Variants in SORCS3 observed in about 807,000 individuals in gnomAD.
SORCS3 encodes the protein sortilin related VPS10 domain containing receptor 3.
In SORCS3, 57 loss-of-function variants were observed where a neutral mutation model predicts 146.3. The ratio of observed to expected loss-of-function variants is 0.39; its 90% CI spans 0.31 to 0.49. SORCS3 has a LOEUF of 0.49. Among genes scored for constraint, SORCS3 ranks in the 20% least tolerant of loss-of-function variants. SORCS3 has a pLI of 0.92. For synonymous variants in SORCS3, 653 were observed against 618.5 expected, an observed-to-expected ratio of 1.06 and a Z score of -0.83; for missense variants, 1,341 against 1,575.5, an observed-to-expected ratio of 0.85 and a Z score of 2.52.
Position 105,167,309 on chromosome 10 carries a change from G to C in SORCS3, c.1861G>C (p.Val621Leu). Residue 621 changes from valine (V) to leucine (L), a missense_variant, in exon 13 of 27, where the codon GTG (valine) becomes CTG (leucine). Coordinates refer to ENST00000369701, the MANE Select transcript of SORCS3 (RefSeq NM_014978.3). ...VWFLDWGGAL[V>L]AMKHTPLPVR... is the part of the protein sequence containing the mutation. Reference sequence around the variant, plus strand: ...GTTCCTAGACTGGGGTGGTGCCCTCGTGGCCATGAAACACACACCTCTGCC... The same window carrying C: ...GTTCCTAGACTGGGGTGGTGCCCTCCTGGCCATGAAACACACACCTCTGCC... 1 of 1,613,400 alleles carries C rather than the reference G, an allele frequency of 6.2e-7. No homozygotes were observed. Among genetic ancestry groups the C allele is most frequent in the Non-Finnish European group, 8.5e-7 (1 of 1,179,550 alleles).
chr10:105,232,561 T>C (rs1323579420), intron 20 of SORCS3, among the ~76,000 whole-genome samples: 1 of 151,896 alleles, frequency 6.6e-6, no homozygotes, highest in Non-Finnish European at 1.5e-5. Context: ...GTTTTTATTA[T>C]TTCTTTTTTT....
chr10:104,888,333 G>T (rs1042025181), intron 2 of SORCS3, among the ~76,000 whole-genome samples: 4 of 152,186 alleles, frequency 2.6e-5, no homozygotes, highest in Non-Finnish European at 5.9e-5. Flanking sequence ...TGGACCAGGA[G>T]ACTCAAATGC....
At chr10:104,868,853 C>G (rs1412641480) in intron 2 of SORCS3, among the ~76,000 whole-genome samples, 3 of 152,136 alleles carry the variant, frequency 2.0e-5, no homozygotes, top group Non-Finnish European at 4.4e-5. Flanking sequence ...ATCATATACC[C>G]AGTCAGACAT....
intron 1 of SORCS3, among the ~76,000 whole-genome samples, chr10:104,788,423 A>G (rs1212710540): frequency 1.3e-5 from 2 of 152,202 alleles, no homozygotes; most frequent in Non-Finnish European, 2.9e-5. Context: ...AGAAGGAAAA[A>G]AAATACGGTG....
chr10:104,872,005 C>A (rs1031039902), intron 2 of SORCS3, among the ~76,000 whole-genome samples: 10 of 152,164 alleles, frequency 6.6e-5, no homozygotes, highest in Non-Finnish European at 1.3e-4. Flanking sequence ...GACTACTCTG[C>A]TCACACTGAC....
intron 1 of SORCS3, among the ~76,000 whole-genome samples, chr10:104,799,628 G>A (rs2017600681): frequency 6.6e-6 from 1 of 152,110 alleles, no homozygotes; most frequent in East Asian, 1.9e-4. Context: ...AACCACCAGG[G>A]CACGTGTATA....
chr10:105,158,154 T>A (rs1413764584), intron 10 of SORCS3, among the ~76,000 whole-genome samples: 1 of 152,206 alleles, frequency 6.6e-6, no homozygotes, highest in African/African-American at 2.4e-5. Context: ...GGTCACAGCA[T>A]GCATTTTTTT....
At chr10:104,974,791 T>C (rs9664247) in intron 3 of SORCS3, among the ~76,000 whole-genome samples, 75,619 of 152,080 alleles carry the variant, frequency 0.5, 22,725 homozygotes, top group African/African-American at 0.86. Context: ...TTCCTAGCCT[T>C]GATGATCTTT....
chr10:104,775,936 C>G (rs934696911), intron 1 of SORCS3, among the ~76,000 whole-genome samples: 1 of 152,112 alleles, frequency 6.6e-6, no homozygotes, highest in Non-Finnish European at 1.5e-5. Flanking sequence ...TCCCTCCTGC[C>G]CATATTTCTT....
chr10:104,755,496 C>T (rs1228778007), intron 1 of SORCS3, among the ~76,000 whole-genome samples: 1 of 152,134 alleles, frequency 6.6e-6, no homozygotes, highest in Non-Finnish European at 1.5e-5. Context: ...CAGGAAATAT[C>T]ATAAGAGACA....
chr10:105,247,157 C>T, intron 21 of SORCS3, 62 bp from the exon 22 acceptor site: 2 of 858,684 alleles, frequency 2.3e-6, no homozygotes, highest in Non-Finnish European at 3.7e-6. Flanking sequence ...GAGCTCCACA[C>T]CTGTCACACC....
At chr10:104,671,825 AC>A (rs1329442695) in intron 1 of SORCS3, among the ~76,000 whole-genome samples, 2 of 152,064 alleles carry the variant, frequency 1.3e-5, no homozygotes, top group African/African-American at 4.8e-5. Flanking sequence ...AATAAATACC[AC>A]TTGTCATGGC....
chr10:104,804,338 A>C (rs907963429), intron 1 of SORCS3, among the ~76,000 whole-genome samples: 3 of 152,162 alleles, frequency 2.0e-5, no homozygotes, highest in Non-Finnish European at 2.9e-5. Context: ...GAAACTCTTG[A>C]CTATATGAAT....
Position 104,641,304 on chromosome 10 carries a change from C to A in SORCS3, c.-24C>A. 7.8e-7 allele frequency: 1 copy of A among 1,275,030 alleles called. No individual in the cohort carries two copies. The highest frequency in any genetic ancestry group is 9.9e-7 in the Non-Finnish European group (1 of 1,013,908). The allele number at this position is 1,275,030 out of a possible 1,614,324, so 79.0% of individuals were successfully genotyped here. On this transcript the variant is annotated 5_prime_UTR_variant, in exon 1 of 27. Transcript: ENST00000369701. This position sits in a 1 kb window ranked among gnomAD's most constrained non-coding sequence, Gnocchi z 6.4. ...CGGCGGGCGCCACACACTCGGCAGC[C>A]CGAGCCGCGGTAGCCGCAGCGGGAT...
chr10:104,969,386 TAGA>T (rs894723567), intron 3 of SORCS3, among the ~76,000 whole-genome samples: 1 of 150,980 alleles, frequency 6.6e-6, no homozygotes, highest in Non-Finnish European at 1.5e-5. Context: ...TTGAGGCAAT[TAGA>T]GGAGTAATAG....
intron 20 of SORCS3, among the ~76,000 whole-genome samples, chr10:105,237,761 G>A (rs1006068024): frequency 9.2e-5 from 14 of 152,138 alleles, no homozygotes; most frequent in African/African-American, 3.1e-4. Flanking sequence ...TTTCTGGTAC[G>A]CATTGTGTAC....
intron 2 of SORCS3, among the ~76,000 whole-genome samples, chr10:104,875,413 C>T (rs2018561405): frequency 6.6e-6 from 1 of 152,166 alleles, no homozygotes; most frequent in African/African-American, 2.4e-5. Flanking sequence ...CTTGTCTTAG[C>T]TTCAATTTTC....
chr10:104,845,599 G>C (rs907253423), intron 2 of SORCS3, among the ~76,000 whole-genome samples: 1 of 152,084 alleles, frequency 6.6e-6, no homozygotes. Context: ...TGCATGTGAG[G>C]GAATTTATAA....
chr10:104,943,171 C>T (rs1589559683), intron 3 of SORCS3, among the ~76,000 whole-genome samples: 1 of 152,004 alleles, frequency 6.6e-6, no homozygotes, highest in East Asian at 1.9e-4. Context: ...GCTCTGTTGC[C>T]CAGGCTGGAG....
Sources: allele counts gnomAD v4.1 joint callset (sites outside exome capture counted in the v4.1 genomes callset), GRCh38; gene constraint gnomAD v4.1.1; non-coding constraint Gnocchi (gnomAD v3.1); transcripts MANE v1.5; gene names NCBI Gene and HGNC (gene_info 2026-07-23, HGNC 2026-07-21).